BAZ1A: variants seen among roughly 807,000 people sequenced by gnomAD.
BAZ1A encodes bromodomain adjacent to zinc finger domain protein 1A.
A neutral mutation model predicts 185.2 loss-of-function variants in BAZ1A; 50 were observed. The ratio of observed to expected loss-of-function variants is 0.27; its 90% CI spans 0.22 to 0.34. The LOEUF (loss-of-function observed/expected upper bound fraction) is 0.34. Ranked by LOEUF, BAZ1A falls within the 10% of genes least tolerant of loss-of-function variation. The pLI, the probability that BAZ1A is intolerant of heterozygous loss-of-function variation, is 1.00. For missense variants in BAZ1A, 1,356 were observed against 1,839.9 expected (o/e 0.74, Z 4.81); for synonymous variants, 571 against 615.6 (o/e 0.93, Z 1.07).
At chr14:34,756,108 T>G (rs1886229100) in intron 25 of BAZ1A, among the ~76,000 whole-genome samples, 2 of 121,000 alleles carry the variant, frequency 1.7e-5, no homozygotes, top group Non-Finnish European at 3.8e-5. Context: ...CCCAAACTGG[T>G]TTTTTTCTTT....
intron 2 of BAZ1A, among the ~76,000 whole-genome samples, chr14:34,869,487 C>T (rs1165197026): frequency 2.0e-5 from 3 of 151,956 alleles, no homozygotes; most frequent in Non-Finnish European, 4.4e-5. Flanking sequence ...CTCCTGAGGG[C>T]AAGTGTAGGA....
At chr14:34,811,944 C>T (rs2041935567) in intron 4 of BAZ1A, among the ~76,000 whole-genome samples, 1 of 152,224 alleles carries the variant, frequency 6.6e-6, no homozygotes, top group African/African-American at 2.4e-5. Context: ...CCCCCACCAA[C>T]TTCACATCTT....
At chr14:34,786,825 C>T (rs1052447402) in intron 12 of BAZ1A, among the ~76,000 whole-genome samples, 34 of 151,688 alleles carry the variant, frequency 2.2e-4, no homozygotes, top group African/African-American at 8.0e-4. Context: ...TCAGGCTGGT[C>T]TCGAACTCCT....
At position 34,753,182 on chromosome 14, in the gene BAZ1A, AATC is replaced by A. The variant is rs3062552; in HGVS notation, c.*323_*325del. 0.059 allele frequency: 13,700 copies of A among 233,522 alleles called. 628 individuals are homozygous for A. The highest frequency in any genetic ancestry group is 0.18 in the East Asian group (1,840 of 10,422). 14.5% of individuals were successfully genotyped at this position (233,522 alleles called of 1,614,324 possible). On this transcript the variant is annotated 3_prime_UTR_variant, in exon 27 of 27. Coordinates refer to ENST00000360310, the MANE Select transcript of BAZ1A (RefSeq NM_013448.3). Reference sequence around the variant, plus strand: ...CCTTAATACCACCACTTTAAAAAAAAATCATCAATAACAAAATAAATCGTGGGT... The same window carrying A: ...CCTTAATACCACCACTTTAAAAAAAAATCAATAACAAAATAAATCGTGGGT...
chr14:34,811,326 A>G (rs1342810273), intron 4 of BAZ1A, among the ~76,000 whole-genome samples: 2 of 152,190 alleles, frequency 1.3e-5, no homozygotes, highest in Non-Finnish European at 1.5e-5. Flanking sequence ...TATTTTTGGT[A>G]GAGGTAGCGT....
rs755740220 is a variant in BAZ1A, at chr14:34,783,108, T to C, written c.2111+11A>G. 6 of 1,562,380 alleles carry C rather than the reference T, an allele frequency of 3.8e-6. No homozygotes were observed. Among genetic ancestry groups the C allele is most frequent in the Non-Finnish European group, 5.3e-6 (6 of 1,135,364 alleles). ...TGGTAAAGCAGATGAACAGTGTGAT[T>C]CAAACCATACCCAATAGATATATCT... On this transcript the variant is annotated intron_variant, in intron 16 of 26. Transcript: ENST00000360310.
chr14:34,756,363 C>T (rs1387793559), intron 25 of BAZ1A, among the ~76,000 whole-genome samples: 2 of 151,626 alleles, frequency 1.3e-5, no homozygotes, highest in Non-Finnish European at 2.9e-5. Flanking sequence ...GATCTGCCCA[C>T]CTCGGCCTCC....
rs563118740 is a variant in BAZ1A, at chr14:34,801,047, T to C, written c.961+47A>G. On this transcript the variant is annotated intron_variant, in intron 8 of 26. Transcript: ENST00000360310. ...TCCCCCACTCAGGCACAGAGAAATA[T>C]TCTTTCTTATTCCTAATTAGCTTTT... The C allele has an allele frequency of 1.7e-5, 23 of 1,375,572 alleles. No individual in the cohort carries two copies. In the South Asian group the frequency reaches 2.9e-4, roughly 17 times the overall value. 85.2% of individuals were successfully genotyped at this position (1,375,572 alleles called of 1,614,324 possible). A position where few individuals can be genotyped will look rare whatever the true frequency, so the allele number is the denominator to read the frequency against.
chr14:34,855,387 T>G (rs541619010), intron 3 of BAZ1A, among the ~76,000 whole-genome samples: 1 of 152,180 alleles, frequency 6.6e-6, no homozygotes, highest in Non-Finnish European at 1.5e-5. Context: ...CTCTTTTCTT[T>G]TTCTGTTCAT....
chr14:34,776,618 ACTGTATCCCCT>A, intron 17 of BAZ1A, 103 bp from the exon 18 acceptor site: 1 of 913,562 alleles, frequency 1.1e-6, no homozygotes, highest in Non-Finnish European at 1.6e-6. Flanking sequence ...TATGAACTAA[ACTGTATCCCCT>A]CTCCACAACC....
rs767892438 is a variant in BAZ1A at position 34,753,722 on chromosome 14, C to T, written c.4475-18G>A. 6.6e-7 allele frequency: 1 copy of T among 1,521,800 alleles called. No individual in the cohort carries two copies. Among genetic ancestry groups the T allele is most frequent in the South Asian group, 1.3e-5 (1 of 77,048 alleles). 94.3% of individuals were successfully genotyped at this position (1,521,800 alleles called of 1,614,324 possible). Reference sequence around the variant, plus strand: ...AAACTCAGCTAGAAAGGGAAAGAGACAAAAAGATTAGAATGAAAGTACATA... The same window carrying T: ...AAACTCAGCTAGAAAGGGAAAGAGATAAAAAGATTAGAATGAAAGTACATA... On this transcript the variant is annotated intron_variant, in intron 26 of 26. Transcript: ENST00000360310.
intron 15 of BAZ1A, 136 bp from the exon 16 acceptor site, chr14:34,783,368 CT>C (rs201307518): frequency 0.094 from 34,222 of 363,804 alleles, 29 homozygotes; most frequent in East Asian, 0.13. Context: ...CATTCATAAG[CT>C]TTTTTTTTTT....
chr14:34,814,540 C>G (rs2041977540), intron 4 of BAZ1A, among the ~76,000 whole-genome samples: 1 of 152,014 alleles, frequency 6.6e-6, no homozygotes, highest in Non-Finnish European at 1.5e-5. Context: ...GCAATCACGG[C>G]TCACTGCTGC....
intron 3 of BAZ1A, among the ~76,000 whole-genome samples, chr14:34,857,663 T>G (rs1451533517): frequency 7.2e-5 from 11 of 152,334 alleles, no homozygotes; most frequent in African/African-American, 2.6e-4. Context: ...GATTCAAAGT[T>G]CTTATCTGCA....
intron 3 of BAZ1A, among the ~76,000 whole-genome samples, chr14:34,854,129 T>C (rs1205224616): frequency 6.6e-6 from 1 of 152,200 alleles, no homozygotes; most frequent in African/African-American, 2.4e-5. Flanking sequence ...ACTCAGGATC[T>C]AAAGTTAAAA....
At chr14:34,826,867 G>A (rs1266612113) in intron 3 of BAZ1A, among the ~76,000 whole-genome samples, 2 of 152,172 alleles carry the variant, frequency 1.3e-5, no homozygotes, top group African/African-American at 4.8e-5. Context: ...ACTGAGTCAG[G>A]GAAGATTCTC....
At chr14:34,787,874 G>A (rs1880583245) in intron 12 of BAZ1A, among the ~76,000 whole-genome samples, 1 of 152,162 alleles carries the variant, frequency 6.6e-6, no homozygotes, top group South Asian at 2.1e-4. Flanking sequence ...TGATCAAAAT[G>A]TCAAGCTATG....
At chr14:34,812,548 A>G (rs1641370222) in intron 4 of BAZ1A, among the ~76,000 whole-genome samples, 2 of 152,200 alleles carry the variant, frequency 1.3e-5, no homozygotes, top group Non-Finnish European at 2.9e-5. Flanking sequence ...GCAAGAGTGT[A>G]AACAGGAATA....
intron 3 of BAZ1A, among the ~76,000 whole-genome samples, chr14:34,842,504 AGATT>A (rs1191089764): frequency 6.6e-6 from 1 of 152,234 alleles, no homozygotes; most frequent in African/African-American, 2.4e-5. Context: ...TTCAATGATC[AGATT>A]AAGATGCTGA....
Sources: gnomAD v4.1 joint callset for allele counts (sites outside exome capture counted in the v4.1 genomes callset) on GRCh38, gnomAD v4.1.1 for gene constraint, MANE v1.5 for transcripts, NCBI Gene and HGNC (gene_info 2026-07-23, HGNC 2026-07-21) for gene names.